Variants in STAC observed in about 807,000 individuals in gnomAD.
STAC encodes SH3 and cysteine-rich domain-containing protein.
Under a neutral mutation model 48.8 loss-of-function variants are expected in STAC, and 43 were observed. The ratio of observed to expected loss-of-function variants is 0.88; its 90% CI spans 0.69 to 1.14. The LOEUF is 1.14. STAC is among the 50% of genes most tolerant of loss of function. The pLI, the probability that STAC is intolerant of heterozygous loss-of-function variation, is 0.00. For synonymous variants in STAC, 193 were observed against 179.5 expected (o/e 1.07, Z -0.60); for missense variants, 497 against 504.0 (o/e 0.99, Z 0.13).
chr3:36,470,619 A>T (rs1481474226), intron 2 of STAC, among the ~76,000 whole-genome samples: 1 of 152,220 alleles, frequency 6.6e-6, no homozygotes, highest in East Asian at 1.9e-4. Context: ...TGTAGCAGTG[A>T]TCCAGTTTCT....
intron 2 of STAC, among the ~76,000 whole-genome samples, chr3:36,453,554 G>T (rs1447235183): frequency 6.6e-6 from 1 of 152,240 alleles, no homozygotes; most frequent in Non-Finnish European, 1.5e-5. Context: ...CAGGGCTGGG[G>T]ACCTGCAGCC....
At chr3:36,484,898 G>A in intron 3 of STAC, 79 bp from the exon 4 acceptor site, 2 of 1,196,348 alleles carry the variant, frequency 1.7e-6, no homozygotes, top group Non-Finnish European at 2.3e-6. Context: ...AAACCAATTG[G>A]TTTTATTTAG....
chr3:36,421,987 T>C (rs2125645122), intron 1 of STAC, among the ~76,000 whole-genome samples: 1 of 152,282 alleles, frequency 6.6e-6, no homozygotes, highest in East Asian at 1.9e-4. Context: ...ATATAAAATT[T>C]ACTTTTTATT....
intron 10 of STAC, among the ~76,000 whole-genome samples, chr3:36,541,975 T>C (rs191429391): frequency 1.2e-3 from 179 of 151,620 alleles, no homozygotes; most frequent in Non-Finnish European, 1.3e-3. Context: ...TTTCAGGAAG[T>C]CTCTTTATGT....
chr3:36,511,830 T>G (rs1288589681), intron 8 of STAC, among the ~76,000 whole-genome samples: 1 of 152,188 alleles, frequency 6.6e-6, no homozygotes, highest in Admixed American at 6.6e-5. Flanking sequence ...CAAACTCTTA[T>G]AAATAGTGAG....
chr3:36,446,222 A>G (rs1696505195), intron 2 of STAC, among the ~76,000 whole-genome samples: 1 of 152,202 alleles, frequency 6.6e-6, no homozygotes, highest in South Asian at 2.1e-4. Flanking sequence ...CTTTATGATC[A>G]TCTCTTAAGC....
At chr3:36,496,674 A>G (rs1698160477) in intron 6 of STAC, among the ~76,000 whole-genome samples, 1 of 152,246 alleles carries the variant, frequency 6.6e-6, no homozygotes, top group African/African-American at 2.4e-5. Context: ...TCCTGGATGC[A>G]TCATAAATAT....
intron 8 of STAC, among the ~76,000 whole-genome samples, chr3:36,508,092 T>C (rs1326508974): frequency 1.3e-5 from 2 of 152,254 alleles, no homozygotes; most frequent in Admixed American, 6.5e-5. Flanking sequence ...CTGCTTTAAC[T>C]GTGTCACAGA....
At chr3:36,425,717 G>T (rs1700546961) in intron 1 of STAC, among the ~76,000 whole-genome samples, 1 of 151,872 alleles carries the variant, frequency 6.6e-6, no homozygotes, top group African/African-American at 2.4e-5. Context: ...TATTTTAAAA[G>T]AAAATGTTAG....
chr3:36,483,050 G>T lies in STAC; in HGVS notation c.447G>T (p.Lys149Asn). Residue 149 changes from lysine to asparagine, a missense_variant, in exon 3 of 11, where the codon AAG becomes AAT. Lys to Asn is a moderately conservative substitution (Grantham distance 94). Coordinates refer to ENST00000273183, the MANE Select transcript of STAC (RefSeq NM_003149.3). The stretch of plus-strand genomic sequence containing the variant: ...CCTGTAAGATGAGCATCCACCACAA[G>T]TGCACAGATGGCCTGGCACCCCAGC... Reference protein sequence around the residue: ...CKACKMSIHHKCTDGLAPQRC... With the variant: ...CKACKMSIHHNCTDGLAPQRC... 1.2e-6 allele frequency: 2 copies of T among 1,614,194 alleles called. No individual in the cohort carries two copies. Among genetic ancestry groups the T allele is most frequent in the Non-Finnish European group, 8.5e-7 (1 of 1,180,026 alleles).
intron 2 of STAC, among the ~76,000 whole-genome samples, chr3:36,444,714 T>C (rs949121779): frequency 3.3e-5 from 5 of 152,208 alleles, no homozygotes; most frequent in African/African-American, 1.2e-4. Flanking sequence ...AGGGCTTGGA[T>C]ACAGGGAGGG....
chr3:36,501,862 G>A (rs998183325), intron 6 of STAC, among the ~76,000 whole-genome samples: 1 of 152,116 alleles, frequency 6.6e-6, no homozygotes, highest in Admixed American at 6.5e-5. Context: ...CATGAAAAAG[G>A]AAAATCACTG....
chr3:36,458,964 T>C (rs1364064055), intron 2 of STAC, among the ~76,000 whole-genome samples: 1 of 152,192 alleles, frequency 6.6e-6, no homozygotes. Flanking sequence ...TCTCAGGTAA[T>C]GCTAGTGATG....
chr3:36,505,891 A>G, intron 8 of STAC, 57 bp downstream of exon 8: 1 of 1,274,776 alleles, frequency 7.8e-7, no homozygotes, highest in South Asian at 1.3e-5. Context: ...GTATTTCTCC[A>G]TGTGAAAAAG....
intron 1 of STAC, among the ~76,000 whole-genome samples, chr3:36,409,997 CTGGAG>C (rs1243489141): frequency 6.6e-6 from 1 of 152,114 alleles, no homozygotes; most frequent in Non-Finnish European, 1.5e-5. Context: ...CAAAGATCAT[CTGGAG>C]TGGCCTATTT....
chr3:36,469,708 C>A (rs1458287599), intron 2 of STAC, among the ~76,000 whole-genome samples: 4 of 152,176 alleles, frequency 2.6e-5, no homozygotes, highest in Non-Finnish European at 4.4e-5. Context: ...CCCCGGGAAG[C>A]CCAATTACTT....
intron 1 of STAC, among the ~76,000 whole-genome samples, chr3:36,381,588 G>A (rs552491460): frequency 6.6e-6 from 1 of 152,140 alleles, no homozygotes; most frequent in East Asian, 1.9e-4. Context: ...TTCATTGTGC[G>A]ATCCCCAGGC....
intron 8 of STAC, among the ~76,000 whole-genome samples, chr3:36,524,837 T>C (rs1052075916): frequency 4.6e-5 from 7 of 152,010 alleles, no homozygotes; most frequent in Non-Finnish European, 8.8e-5. Context: ...GTTAGAGAGT[T>C]ACTACCTTGG....
chr3:36,467,757 T>C (rs1697218204), intron 2 of STAC, among the ~76,000 whole-genome samples: 1 of 152,178 alleles, frequency 6.6e-6, no homozygotes, highest in South Asian at 2.1e-4. Flanking sequence ...TAATGCTCTA[T>C]CAATTTTATT....
Sources: allele counts gnomAD v4.1 joint callset (sites outside exome capture counted in the v4.1 genomes callset), GRCh38; gene constraint gnomAD v4.1.1; transcripts MANE v1.5; gene names NCBI Gene and HGNC (gene_info 2026-07-23, HGNC 2026-07-21).